ZFHX3: variants seen among roughly 807,000 people sequenced by gnomAD.
ZFHX3 encodes the protein zinc finger homeobox protein 3.
In ZFHX3, 42 loss-of-function variants were observed where a neutral mutation model predicts 279.1. The ratio of observed to expected loss-of-function variants is 0.15; its 90% CI spans 0.12 to 0.19. The LOEUF (loss-of-function observed/expected upper bound fraction) is 0.19. Among genes scored for constraint, ZFHX3 ranks in the 10% least tolerant of loss-of-function variants. The probability of loss-of-function intolerance (pLI) is 1.00; values close to 1 mark genes in which losing one functional copy is unlikely to be tolerated. For synonymous variants in ZFHX3, 2,293 were observed against 1,957.8 expected (o/e 1.17, Z -4.52); for missense variants, 4,981 against 4,754.0 (o/e 1.05, Z -1.40).
intron 2 of ZFHX3, among the ~76,000 whole-genome samples, chr16:73,566,934 G>A (rs2020460392): frequency 6.6e-6 from 1 of 152,130 alleles, no homozygotes; most frequent in South Asian, 2.1e-4. Flanking sequence ...CCCAACCTCA[G>A]GTGATCCGCC....
chr16:73,055,309 T>C (rs1209188303), intron 1 of ZFHX3, among the ~76,000 whole-genome samples: 1 of 152,082 alleles, frequency 6.6e-6, no homozygotes, highest in Non-Finnish European at 1.5e-5. Context: ...GGTTTTCTGT[T>C]GTTGCTGGGA....
At chr16:73,584,412 A>G (rs79294567) in intron 2 of ZFHX3, among the ~76,000 whole-genome samples, 4,284 of 152,340 alleles carry the variant, frequency 0.028, 199 homozygotes, top group African/African-American at 0.097. Context: ...GAGGAGAAAC[A>G]GATAGACAGC....
chr16:73,684,539 TAC>T (rs1431665235), intron 1 of ZFHX3, among the ~76,000 whole-genome samples: 2 of 152,096 alleles, frequency 1.3e-5, no homozygotes, highest in Non-Finnish European at 2.9e-5. Context: ...TTCCCAAACA[TAC>T]CCATATCCTA....
chr16:73,042,050 G>C (rs1438147249), intron 1 of ZFHX3, among the ~76,000 whole-genome samples: 1 of 152,214 alleles, frequency 6.6e-6, no homozygotes, highest in South Asian at 2.1e-4. Context: ...CAGGAGACTG[G>C]AAGCATGGGG....
chr16:73,794,874 G>A (rs1567412993), intron 1 of ZFHX3, among the ~76,000 whole-genome samples: 1 of 152,116 alleles, frequency 6.6e-6, no homozygotes, highest in Non-Finnish European at 1.5e-5. Flanking sequence ...ATGTCATGGG[G>A]TACAGAAGTT....
chr16:73,656,885 T>C (rs924515528), intron 2 of ZFHX3, among the ~76,000 whole-genome samples: 7 of 152,228 alleles, frequency 4.6e-5, no homozygotes, highest in African/African-American at 1.7e-4. Context: ...AGAAAATTGT[T>C]TGCCAAGCTT....
chr16:73,219,845 G>A (rs1470091372), intron 5 of ZFHX3, among the ~76,000 whole-genome samples: 2 of 152,166 alleles, frequency 1.3e-5, no homozygotes, highest in Non-Finnish European at 2.9e-5. Context: ...CAGAACTTTG[G>A]GAAGCCAAAG....
At chr16:73,171,599 G>A (rs1967526587) in intron 5 of ZFHX3, among the ~76,000 whole-genome samples, 1 of 152,156 alleles carries the variant, frequency 6.6e-6, no homozygotes, top group Non-Finnish European at 1.5e-5. Context: ...GGTACACGAT[G>A]CATAAGCGTC....
intron 3 of ZFHX3, among the ~76,000 whole-genome samples, chr16:73,321,654 CCTT>C (rs1187379957): frequency 6.6e-6 from 1 of 152,220 alleles, no homozygotes. Context: ...TATTCCAGAA[CCTT>C]CTTCTCTACA....
chr16:73,533,588 C>G (rs1202385006), intron 2 of ZFHX3, among the ~76,000 whole-genome samples: 1 of 151,952 alleles, frequency 6.6e-6, no homozygotes. Context: ...ACGTCCCTTC[C>G]AAAATCCAAA....
intron 2 of ZFHX3, among the ~76,000 whole-genome samples, chr16:73,622,067 CA>C (rs2052368974): frequency 6.6e-6 from 1 of 152,234 alleles, no homozygotes; most frequent in East Asian, 1.9e-4. Context: ...ATTTCTGGCT[CA>C]CCTGACCCAA....
chr16:73,753,966 G>A lies in ZFHX3; in HGVS notation c.-1607-73726C>T, dbSNP rs1391189305. 3.6e-5 allele frequency among the ~76,000 whole-genome samples: 5 copies of A among 137,290 alleles called. No individual in the cohort carries two copies. In the South Asian group the frequency reaches 6.7e-4, roughly 18 times the overall value. The allele number at this position is 137,290 out of a possible 152,430, so 90.1% of individuals were successfully genotyped here. ...GACTATAACTGCTGCAAATAGTAAT[G>A]AGAAAAATAGTAAGAATCAATGTGT... On this transcript the variant is annotated intron_variant, in intron 1 of 17. Coordinates refer to the ZFHX3 transcript ENST00000641206.
intron 5 of ZFHX3, among the ~76,000 whole-genome samples, chr16:73,187,402 A>G (rs1368949033): frequency 6.6e-6 from 1 of 151,994 alleles, no homozygotes; most frequent in African/African-American, 2.4e-5. Flanking sequence ...AGAAACGTCA[A>G]GGACAGTTTG....
intron 1 of ZFHX3, among the ~76,000 whole-genome samples, chr16:73,780,088 C>G (rs2142302235): frequency 7.6e-6 from 1 of 131,442 alleles, no homozygotes; most frequent in South Asian, 2.5e-4. Context: ...TTCCTGTAAA[C>G]CAGCAAAACT....
intron 1 of ZFHX3, among the ~76,000 whole-genome samples, chr16:73,022,998 C>A (rs951503897): frequency 6.6e-6 from 1 of 152,138 alleles, no homozygotes; most frequent in African/African-American, 2.4e-5. Flanking sequence ...AAGGCCGAGG[C>A]GGGCAGATCA....
At position 72,957,704 on chromosome 16, in the gene ZFHX3, G is replaced by A. The variant is rs767059323; in HGVS notation, c.2442C>T (p.Asn814=). 70 of 1,614,052 alleles carry A rather than the reference G, an allele frequency of 4.3e-5. No homozygotes were observed. The highest frequency in any genetic ancestry group is 1.3e-4 in the African/African-American group (10 of 74,922). Residue 814 remains asparagine, a synonymous_variant, in exon 2 of 10, where the codon AAC becomes AAT. Transcript: ENST00000268489. The part of the protein sequence containing the change: ...WRCEVCDYET[N]VARNLRIHMT... ...TGTGAATGCGGAGGTTCCTGGCCAC[G>A]TTGGTCTCATAATCACACACCTCGC...
At chr16:73,341,785 C>T (rs2016038084) in intron 3 of ZFHX3, among the ~76,000 whole-genome samples, 1 of 152,030 alleles carries the variant, frequency 6.6e-6, no homozygotes, top group Admixed American at 6.5e-5. Flanking sequence ...TGATATATAC[C>T]ATAATCTAGA....
At position 73,301,758 on chromosome 16, in the gene ZFHX3, C is replaced by CTTT. The variant is rs559715399; in HGVS notation, c.-1194+16479_-1194+16481dup. Among the ~76,000 whole-genome samples the CTTT allele has an allele frequency of 7.5e-3, 1,044 of 140,098 alleles. 25 individuals carry two copies. Among genetic ancestry groups the CTTT allele is most frequent in the African/African-American group, 0.025 (957 of 37,662 alleles). 91.9% of individuals were successfully genotyped at this position (140,098 alleles called of 152,430 possible). The stretch of plus-strand genomic sequence containing the variant: ...ATTTGGAAAAGAAACTTGATTCCAG[C>CTTT]TTTTTTTTTTTTTTTGTGACAAGCA... On this transcript the variant is annotated intron_variant, in intron 4 of 17. Coordinates refer to the ZFHX3 transcript ENST00000641206.
At chr16:73,843,920 A>G (rs1187134416) in intron 1 of ZFHX3, among the ~76,000 whole-genome samples, 1 of 152,254 alleles carries the variant, frequency 6.6e-6, no homozygotes, top group Non-Finnish European at 1.5e-5. Flanking sequence ...GATTTTGTGT[A>G]GTCTTCATGT....
Sources: gnomAD v4.1 joint callset for allele counts (sites outside exome capture counted in the v4.1 genomes callset) on GRCh38, gnomAD v4.1.1 for gene constraint, MANE v1.5 for transcripts, NCBI Gene and HGNC (gene_info 2026-07-23, HGNC 2026-07-21) for gene names.